NAA38: variants seen among roughly 807,000 people sequenced by gnomAD.
NAA38 encodes the protein N-alpha-acetyltransferase 38, NatC auxiliary subunit.
NAA38 carries 15 observed loss-of-function variants against 12.6 expected under a neutral mutation model. That is an observed-to-expected ratio of 1.19 (90% CI 0.79 to 1.83). The LOEUF (loss-of-function observed/expected upper bound fraction) is 1.83, where lower values mean the gene tolerates loss of function less well. NAA38 is among the 40% of genes most tolerant of loss of function. The pLI is 0.00. For synonymous variants in NAA38, 88 were observed against 69.9 expected, an observed-to-expected ratio of 1.26 and a Z score of -1.29; for missense variants, 183 against 171.7, an observed-to-expected ratio of 1.07 and a Z score of -0.37.
chr17:7,859,934 G>C (rs1317307373), upstream of NAA38: 5 of 272,296 alleles, frequency 1.8e-5, no homozygotes, highest in East Asian at 3.8e-4. Context: ...AGGGGTGAGG[G>C]ATGGAAGGAC....
intron 2 of NAA38, among the ~76,000 whole-genome samples, chr17:7,882,062 A>C (rs937210611): frequency 6.6e-6 from 1 of 152,156 alleles, no homozygotes; most frequent in African/African-American, 2.4e-5. Context: ...GCAGACAGGC[A>C]AAAGGGAGGA....
At chr17:7,871,708 G>A (rs567162513) in intron 2 of NAA38, among the ~76,000 whole-genome samples, 2 of 152,298 alleles carry the variant, frequency 1.3e-5, no homozygotes, top group East Asian at 1.9e-4. Context: ...AGGCTGGAGT[G>A]CAGTGGTGCA....
At chr17:7,860,314 A>AT (rs2078873730), upstream of NAA38, 1 of 151,804 alleles carries the variant, frequency 6.6e-6, no homozygotes, top group African/African-American at 2.4e-5. Context: ...ACAATGCCTA[A>AT]TTTTTTAATT....
upstream of NAA38, chr17:7,858,710 C>G: frequency 6.2e-7 from 1 of 1,610,418 alleles, no homozygotes; most frequent in Non-Finnish European, 8.5e-7. Context: ...ACTGGGCCAA[C>G]GATTTTGGGA....
intron 1 of NAA38, 91 bp downstream of exon 1, chr17:7,857,292 A>G: frequency 6.2e-7 from 1 of 1,609,718 alleles, no homozygotes; most frequent in Non-Finnish European, 8.5e-7. Context: ...ACTCACACAA[A>G]GCCCAGAGGC....
In NAA38 at chr17:7,857,541, T is replaced by C. The variant is rs895140139; in HGVS notation, c.-78A>G. The C allele has an allele frequency of 1.2e-5, 17 of 1,451,886 alleles. No individual in the cohort carries two copies. Among genetic ancestry groups the C allele is most frequent in the South Asian group, 3.1e-5 (2 of 64,060 alleles). The allele number at this position is 1,451,886 out of a possible 1,614,324, so 89.9% of individuals were successfully genotyped here. ...GGGTGGTCCGAGATCTCGCGAGCGC[T>C]CCCGACCTCTTTCCTTTCGCGAGAT... On this transcript the variant is annotated 5_prime_UTR_variant, in exon 1 of 3. Transcript: ENST00000575771.
intron 2 of NAA38, chr17:7,866,609 CTG>C: frequency 1.1e-6 from 1 of 933,856 alleles, no homozygotes; most frequent in Non-Finnish European, 1.4e-6. Flanking sequence ...TGCTGTTCCT[CTG>C]TGTGGAACAA....
chr17:7,875,098 G>C (rs1002248052), intron 2 of NAA38, among the ~76,000 whole-genome samples: 2 of 151,302 alleles, frequency 1.3e-5, no homozygotes, highest in African/African-American at 4.9e-5. Context: ...GGGAGGATGA[G>C]GGAGGAGGAA....
chr17:7,882,056 A>G (rs1438489374), intron 2 of NAA38, among the ~76,000 whole-genome samples: 1 of 152,172 alleles, frequency 6.6e-6, no homozygotes, highest in African/African-American at 2.4e-5. Flanking sequence ...AGAGATGCAG[A>G]CAGGCAAAAG....
At chr17:7,858,263 C>G (rs1242677604), upstream of NAA38, 51 of 1,613,880 alleles carry the variant, frequency 3.2e-5, no homozygotes, top group Non-Finnish European at 4.2e-5. Flanking sequence ...GACGCGTGTA[C>G]GACCTAACGT....
rs764071998 is a variant in NAA38, at chr17:7,857,198, C to T, written c.82G>A (p.Asp28Asn). 23 of 1,612,946 alleles carry T rather than the reference C, an allele frequency of 1.4e-5. No individual in the cohort carries two copies. The highest frequency in any genetic ancestry group is 1.6e-4 in the Middle Eastern group (1 of 6,082). ...GAGTCCTCGCGCTCTCCGTCCGAAT[C>T]CTGCGCGGGGTGTAACAAGCGCTCA... The part of the protein sequence containing the change: ...SRRQSSSSAG[D>N]SDGEREDSAA... Residue 28 changes from aspartate to asparagine, a missense_variant and splice_region_variant, in exon 2 of 3, where the codon GAT becomes AAT. Physicochemically the swap from Asp to Asn is conservative, Grantham distance 23. Transcript: ENST00000575771.
At chr17:7,881,319 A>G (rs1039038137) in intron 2 of NAA38, among the ~76,000 whole-genome samples, 2 of 152,194 alleles carry the variant, frequency 1.3e-5, no homozygotes, top group African/African-American at 2.4e-5. Context: ...AGACGTGGAC[A>G]GCAAGAGCCT....
At chr17:7,858,773 C>T (rs773923474), upstream of NAA38, 4 of 1,584,650 alleles carry the variant, frequency 2.5e-6, no homozygotes, top group Admixed American at 1.8e-5. Flanking sequence ...CTGCCAAGAC[C>T]CGGAGCATCC....
At chr17:7,871,664 CTTCT>C (rs1471785587) in intron 2 of NAA38, among the ~76,000 whole-genome samples, 7 of 152,002 alleles carry the variant, frequency 4.6e-5, no homozygotes, top group Non-Finnish European at 1.0e-4. Flanking sequence ...CTAAAACGTT[CTTCT>C]TTCTTTGAGG....
rs570507150 is a variant in NAA38 at position 7,882,261 on chromosome 17, C to T, written c.-66+974G>A. ...GGGCACAGAGGCAGAGAGGCTGCGG[C>T]GCACATGATGCGCAGTGTGGCCCAC... On this transcript the variant is annotated intron_variant, in intron 2 of 4. Coordinates refer to the NAA38 transcript ENST00000576861. Among the ~76,000 whole-genome samples the T allele has an allele frequency of 5.3e-5, 8 of 152,230 alleles. No homozygotes were observed. The South Asian group carries it at 1.7e-3, about 32-fold the overall frequency.
chr17:7,866,408 G>C (rs1038865996), intron 3 of NAA38: 1 of 1,145,806 alleles, frequency 8.7e-7, no homozygotes, highest in Non-Finnish European at 1.1e-6. Context: ...GCGCCCGGCC[G>C]CCACGGGGAA....
intron 1 of NAA38, among the ~76,000 whole-genome samples, chr17:7,883,902 A>C (rs1331414909): frequency 1.3e-5 from 2 of 152,190 alleles, no homozygotes; most frequent in Non-Finnish European, 2.9e-5. Flanking sequence ...AAATAAAAAA[A>C]ATTAAATCTA....
chr17:7,879,286 G>C (rs556446564), intron 2 of NAA38, among the ~76,000 whole-genome samples: 3 of 152,126 alleles, frequency 2.0e-5, no homozygotes, highest in African/African-American at 7.2e-5. Context: ...ATCATAGATT[G>C]CAAGTGTTTT....
upstream of NAA38, chr17:7,860,740 G>A (rs1597874993): frequency 1.3e-5 from 2 of 152,236 alleles, no homozygotes; most frequent in Non-Finnish European, 2.9e-5. Flanking sequence ...GGAGTTTGCA[G>A]AGTTCTCCTG....
Sources: gnomAD v4.1 joint callset for allele counts (sites outside exome capture counted in the v4.1 genomes callset) on GRCh38, gnomAD v4.1.1 for gene constraint, MANE v1.5 for transcripts, NCBI Gene and HGNC (gene_info 2026-07-23, HGNC 2026-07-21) for gene names.